Variants in GABRA3 observed in about 807,000 individuals in gnomAD.
GABRA3 encodes the protein gamma-aminobutyric acid receptor subunit alpha-3.
A neutral mutation model predicts 30.1 loss-of-function variants in GABRA3; 10 were observed. That is an observed-to-expected ratio of 0.33 (90% CI 0.20 to 0.56). The LOEUF (loss-of-function observed/expected upper bound fraction) is 0.56. Among genes scored for constraint, GABRA3 ranks in the 20% least tolerant of loss-of-function variants. The pLI, the probability that GABRA3 is intolerant of heterozygous loss-of-function variation, is 0.89. For synonymous variants in GABRA3, 151 were observed against 146.8 expected (o/e 1.03, Z -0.21); for missense variants, 233 against 392.0 (o/e 0.59, Z 3.42).
At chrX:152,370,532 GTTAT>G (rs1928808392) in intron 1 of GABRA3, among the ~76,000 whole-genome samples, 1 of 111,997 alleles carries the variant, frequency 8.9e-6, no homozygotes, top group East Asian at 2.8e-4. Context: ...AATTGGGCAG[GTTAT>G]TTGACTCAAT....
intron 5 of GABRA3, among the ~76,000 whole-genome samples, chrX:152,236,373 T>A (rs576214180): frequency 0.012 from 1,258 of 101,419 alleles, 9 homozygotes; most frequent in Middle Eastern, 0.05. Context: ...ATGTGCCACA[T>A]TTTCTTAATC....
At chrX:152,217,722 T>C (rs1468505879) in intron 6 of GABRA3, among the ~76,000 whole-genome samples, 2 of 110,655 alleles carry the variant, frequency 1.8e-5, no homozygotes, top group Non-Finnish European at 3.8e-5. Flanking sequence ...TTCTATGACT[T>C]TTTTTCATTT....
At position 152,356,569 on chromosome X, in the gene GABRA3, G is replaced by C. The variant is rs1940552711; in HGVS notation, c.140+7862C>G. Among the ~76,000 whole-genome samples, 2 of 111,561 alleles carry C rather than the reference G, an allele frequency of 1.8e-5. 1 individual carries two copies. Among genetic ancestry groups the C allele is most frequent in the African/African-American group, 6.5e-5 (2 of 30,747 alleles). On this transcript the variant is annotated intron_variant, in intron 2 of 9. Coordinates refer to ENST00000370314, the MANE Select transcript of GABRA3 (RefSeq NM_000808.4). ...ATTTGTGCTTTTTATGATTAACCAAGTCTAATTTTGTCATAATTTTTTTCT... is the reference window on the plus strand; with the variant it reads ...ATTTGTGCTTTTTATGATTAACCAACTCTAATTTTGTCATAATTTTTTTCT...
rs35341591 is a variant in GABRA3, at chrX:152,361,571, C to CAA, written c.140+2858_140+2859dup. 2.6e-3 allele frequency among the ~76,000 whole-genome samples: 89 copies of CAA among 34,710 alleles called. 2 individuals are homozygous for CAA. In the East Asian group the frequency reaches 0.036, roughly 14 times the overall value. 30.1% of individuals were successfully genotyped at this position (34,710 alleles called of 115,157 possible). A position where few individuals can be genotyped will look rare whatever the true frequency, so the allele number is the denominator to read the frequency against. On this transcript the variant is annotated intron_variant, in intron 2 of 9. Coordinates refer to ENST00000370314, the MANE Select transcript of GABRA3 (RefSeq NM_000808.4). ...CTGGGTGAAGAGTGAGACTCCATCT[C>CAA]AAAAAAAAAAAAAAAAAAAAAATTC... is the stretch of plus-strand genomic sequence containing the variant.
At chrX:152,314,713 C>A (rs1301480495) in intron 3 of GABRA3, among the ~76,000 whole-genome samples, 1 of 112,291 alleles carries the variant, frequency 8.9e-6, no homozygotes, top group Non-Finnish European at 1.9e-5. Context: ...GCTTAAATGG[C>A]ACTTCGTCAG....
At chrX:152,403,943 A>C (rs1011649483) in intron 1 of GABRA3, among the ~76,000 whole-genome samples, 1 of 110,989 alleles carries the variant, frequency 9.0e-6, no homozygotes, top group Non-Finnish European at 1.9e-5. Context: ...TTTTCCAAGG[A>C]GGCATTTACT....
intron 6 of GABRA3, among the ~76,000 whole-genome samples, chrX:152,222,204 T>C (rs1191151225): frequency 1.8e-5 from 2 of 109,871 alleles, no homozygotes; most frequent in Non-Finnish European, 3.8e-5. Context: ...GTCTTTATAA[T>C]AGGATGATTT....
At chrX:152,438,179 A>G (rs996967864) in intron 1 of GABRA3, among the ~76,000 whole-genome samples, 4 of 112,209 alleles carry the variant, frequency 3.6e-5, no homozygotes, top group African/African-American at 1.3e-4. Context: ...AGCAAAACAG[A>G]TAAGATTGCA....
Position 152,168,386 on chromosome X carries a change from C to A in GABRA3, c.1321G>T (p.Asp441Tyr). 1 of 1,211,916 alleles carries A rather than the reference C, an allele frequency of 8.3e-7. No individual in the cohort carries two copies. Among genetic ancestry groups the A allele is most frequent in the Non-Finnish European group, 1.1e-6 (1 of 895,577 alleles). ...IASPKATYVQ[D>Y]SPTETKTYNS... Reference sequence around the variant, plus strand: ...TAGGTCTTGGTCTCAGTCGGGCTGTCCTGCACGTAGGTGGCCTTGGGTGAA... The same window carrying A: ...TAGGTCTTGGTCTCAGTCGGGCTGTACTGCACGTAGGTGGCCTTGGGTGAA... Residue 441 changes from aspartate (D) to tyrosine (Y), a missense_variant, in exon 10 of 10, where the codon GAC becomes TAC. Physicochemically the swap from Asp to Tyr is radical, Grantham distance 160. Transcript: ENST00000370314.
intron 3 of GABRA3, among the ~76,000 whole-genome samples, chrX:152,341,595 A>C (rs1456646466): frequency 1.0e-5 from 1 of 97,263 alleles, no homozygotes; most frequent in African/African-American, 4.0e-5. Context: ...GCTGGAGTGC[A>C]GTGGCGTGAT....
At chrX:152,364,672 AAAAG>A (rs1292321444) in intron 1 of GABRA3, 76 bp from the exon 2 acceptor site, 1 of 751,001 alleles carries the variant, frequency 1.3e-6, no homozygotes, top group Non-Finnish European at 1.9e-6. Flanking sequence ...AAAGAGGTAA[AAAAG>A]AGAGAAAGAG....
chrX:152,236,407 G>C (rs1292292687), intron 5 of GABRA3, among the ~76,000 whole-genome samples: 1 of 99,665 alleles, frequency 1.0e-5, no homozygotes, highest in African/African-American at 3.7e-5. Flanking sequence ...TTGGACGTTT[G>C]GGTTGGTTCC....
intron 3 of GABRA3, among the ~76,000 whole-genome samples, chrX:152,338,468 C>G (rs148350794): frequency 1.2e-4 from 13 of 111,711 alleles, no homozygotes; most frequent in African/African-American, 4.2e-4. Context: ...AATATTTTCT[C>G]CCATTTTGTG....
intron 5 of GABRA3, among the ~76,000 whole-genome samples, chrX:152,239,805 G>A (rs1354022048): frequency 1.9e-5 from 2 of 105,281 alleles, no homozygotes; most frequent in Non-Finnish European, 3.8e-5. Flanking sequence ...TATCAGAGAC[G>A]AGGATTGCAA....
intron 3 of GABRA3, among the ~76,000 whole-genome samples, chrX:152,292,461 C>T (rs1009603748): frequency 2.7e-5 from 3 of 110,985 alleles, no homozygotes; most frequent in African/African-American, 9.8e-5. Flanking sequence ...GTCTCGCTAG[C>T]GGTCTATCAA....
chrX:152,391,306 T>TATA (rs1929476460), intron 1 of GABRA3, among the ~76,000 whole-genome samples: 1 of 111,840 alleles, frequency 8.9e-6, no homozygotes, highest in Non-Finnish European at 1.9e-5. Flanking sequence ...CCATACACAA[T>TATA]ATATGAGCAG....
chrX:152,401,270 A>G (rs1603254733), intron 1 of GABRA3, among the ~76,000 whole-genome samples: 1 of 63,049 alleles, frequency 1.6e-5, no homozygotes, highest in Non-Finnish European at 3.8e-5. Flanking sequence ...ATGTGTGTAT[A>G]TATATATATA....
intron 1 of GABRA3, among the ~76,000 whole-genome samples, chrX:152,372,103 T>C (rs1157202180): frequency 3.6e-5 from 4 of 111,464 alleles, no homozygotes; most frequent in African/African-American, 9.8e-5. Context: ...CTTCTTTCTC[T>C]GCTGCAACTC....
At chrX:152,206,455 C>T (rs1292968584) in intron 7 of GABRA3, among the ~76,000 whole-genome samples, 2 of 111,869 alleles carry the variant, frequency 1.8e-5, no homozygotes, top group Non-Finnish European at 1.9e-5. Flanking sequence ...GCTCCTCTCC[C>T]TCCTTGCTTG....
Sources: gnomAD v4.1 joint callset for allele counts (sites outside exome capture counted in the v4.1 genomes callset) on GRCh38, gnomAD v4.1.1 for gene constraint, MANE v1.5 for transcripts, NCBI Gene and HGNC (gene_info 2026-07-23, HGNC 2026-07-21) for gene names.